The following SLC35F1 variants were observed in gnomAD, a reference collection of about 807,000 sequenced individuals.
The protein encoded by SLC35F1 is solute carrier family 35 member F1, also known as chromosome 6 open reading frame 169.
Under a neutral mutation model 48.7 loss-of-function variants are expected in SLC35F1, and 14 were observed. That is an observed-to-expected ratio of 0.29 (90% confidence interval 0.19 to 0.45). The LOEUF (loss-of-function observed/expected upper bound fraction) is 0.45, where lower values mean the gene tolerates loss of function less well. Ranked by LOEUF, SLC35F1 falls within the 20% of genes least tolerant of loss-of-function variation. SLC35F1 has a pLI of 1.00. For synonymous variants in SLC35F1, 190 were observed against 202.2 expected (o/e 0.94, Z 0.51); for missense variants, 404 against 500.0 (o/e 0.81, Z 1.83).
At chr6:118,099,317 G>C (rs1354199582) in intron 1 of SLC35F1, among the ~76,000 whole-genome samples, 2 of 152,212 alleles carry the variant, frequency 1.3e-5, no homozygotes, top group African/African-American at 4.8e-5. Context: ...TCCTGATCCA[G>C]TAAGTCGATG....
rs559333466 is a variant in SLC35F1, at chr6:117,999,020, T to C, written c.173+91121T>C. On this transcript the variant is annotated intron_variant, in intron 1 of 7. Coordinates refer to ENST00000360388, the MANE Select transcript of SLC35F1 (RefSeq NM_001029858.4). Reference sequence around the variant, plus strand: ...CACCACACACAACCAGTCCCGAAAATGGCACAGAAATGGTATCAAGAAACC... The same window carrying C: ...CACCACACACAACCAGTCCCGAAAACGGCACAGAAATGGTATCAAGAAACC... 1.2e-5 allele frequency: 17 copies of C among 1,435,356 alleles called. No individual in the cohort carries two copies. The East Asian group carries it at 3.6e-4, about 31-fold the overall frequency. The allele number at this position is 1,435,356 out of a possible 1,614,324, so 88.9% of individuals were successfully genotyped here.
intron 1 of SLC35F1, among the ~76,000 whole-genome samples, chr6:118,126,863 A>G (rs2114413024): frequency 6.6e-6 from 1 of 151,918 alleles, no homozygotes; most frequent in South Asian, 2.1e-4. Flanking sequence ...GTTGATTATC[A>G]GCTTAAGGAG....
chr6:118,055,170 T>G (rs987203017), intron 1 of SLC35F1, among the ~76,000 whole-genome samples: 3 of 152,226 alleles, frequency 2.0e-5, no homozygotes, highest in Non-Finnish European at 4.4e-5. Flanking sequence ...TGTTACTTTA[T>G]CAGTGTTTGG....
chr6:118,051,937 C>T (rs1331681997), intron 1 of SLC35F1, among the ~76,000 whole-genome samples: 1 of 152,116 alleles, frequency 6.6e-6, no homozygotes, highest in East Asian at 1.9e-4. Context: ...TCAATACCTT[C>T]CCTTATAAGA....
At chr6:117,975,197 C>A (rs1776690479) in intron 1 of SLC35F1, among the ~76,000 whole-genome samples, 1 of 152,176 alleles carries the variant, frequency 6.6e-6, no homozygotes, top group African/African-American at 2.4e-5. Flanking sequence ...AAATGATTTT[C>A]CAATGTCATT....
At chr6:118,123,400 A>G (rs1773580369) in intron 1 of SLC35F1, among the ~76,000 whole-genome samples, 1 of 147,218 alleles carries the variant, frequency 6.8e-6, no homozygotes, top group Non-Finnish European at 1.5e-5. Flanking sequence ...TTAAAAGGCC[A>G]CTCTTAGAAA....
chr6:118,264,799 T>C (rs1775752302), intron 3 of SLC35F1, among the ~76,000 whole-genome samples: 1 of 152,252 alleles, frequency 6.6e-6, no homozygotes, highest in East Asian at 1.9e-4. Context: ...GTGAACAGTT[T>C]TCAATGACAA....
chr6:117,941,958 A>G (rs1335961217), intron 1 of SLC35F1, among the ~76,000 whole-genome samples: 6 of 152,334 alleles, frequency 3.9e-5, no homozygotes, highest in African/African-American at 1.4e-4. Flanking sequence ...GGTTAATAGT[A>G]ACCTTATATT....
intron 7 of SLC35F1, among the ~76,000 whole-genome samples, chr6:118,297,660 A>AACT (rs1776206373): frequency 7.6e-6 from 1 of 132,450 alleles, no homozygotes; most frequent in South Asian, 2.3e-4. Flanking sequence ...TATAATATAT[A>AACT]TAATATTATA....
chr6:118,175,841 T>C (rs1363632050), intron 2 of SLC35F1, among the ~76,000 whole-genome samples: 2 of 152,126 alleles, frequency 1.3e-5, no homozygotes, highest in Non-Finnish European at 2.9e-5. Flanking sequence ...AAAGTATCCG[T>C]AGTCATTCCA....
At chr6:118,147,645 T>C (rs1210046418) in intron 1 of SLC35F1, among the ~76,000 whole-genome samples, 1 of 152,176 alleles carries the variant, frequency 6.6e-6, no homozygotes, top group East Asian at 1.9e-4. Flanking sequence ...TCCAGCTCCC[T>C]GTTTGGTGCC....
chr6:118,273,852 A>T (rs1775887976), intron 4 of SLC35F1, among the ~76,000 whole-genome samples: 1 of 152,094 alleles, frequency 6.6e-6, no homozygotes. Context: ...CTTGAGGATG[A>T]CTCCAGCACA....
At chr6:117,929,740 A>C (rs1234706694) in intron 1 of SLC35F1, among the ~76,000 whole-genome samples, 1 of 152,134 alleles carries the variant, frequency 6.6e-6, no homozygotes, top group East Asian at 1.9e-4. Flanking sequence ...CTTAAAGCTA[A>C]CTGATTGTAA....
chr6:118,273,458 A>G (rs72965660), intron 4 of SLC35F1, among the ~76,000 whole-genome samples: 58,532 of 152,070 alleles, frequency 0.38, 11,984 homozygotes, highest in Middle Eastern at 0.49. Context: ...GATATTCATA[A>G]TAATGACCCC....
intron 1 of SLC35F1, among the ~76,000 whole-genome samples, chr6:118,096,063 G>T (rs1773172181): frequency 6.6e-6 from 1 of 152,122 alleles, no homozygotes; most frequent in Non-Finnish European, 1.5e-5. Flanking sequence ...CCAAAATGGG[G>T]AAAAGAAAAT....
At chr6:118,098,738 G>A (rs1465263315) in intron 1 of SLC35F1, among the ~76,000 whole-genome samples, 4 of 152,194 alleles carry the variant, frequency 2.6e-5, no homozygotes, top group Non-Finnish European at 4.4e-5. Context: ...TGGGTAAGAT[G>A]ACTAGATGTG....
At chr6:117,990,660 C>G (rs1032468480) in intron 1 of SLC35F1, among the ~76,000 whole-genome samples, 3 of 152,160 alleles carry the variant, frequency 2.0e-5, no homozygotes, top group Non-Finnish European at 4.4e-5. Flanking sequence ...CTACTGGGTA[C>G]TGAGTCCTGT....
chr6:118,276,242 AG>A (rs1453328024), intron 5 of SLC35F1, among the ~76,000 whole-genome samples: 2 of 152,198 alleles, frequency 1.3e-5, no homozygotes, highest in African/African-American at 4.8e-5. Context: ...ATTTGTTATG[AG>A]CATAAGTTTC....
At chr6:117,945,365 T>G (rs1776283585) in intron 1 of SLC35F1, among the ~76,000 whole-genome samples, 1 of 152,230 alleles carries the variant, frequency 6.6e-6, no homozygotes, top group Non-Finnish European at 1.5e-5. Context: ...GTCACAAATT[T>G]ACTACTATTT....
Sources: gnomAD v4.1 joint callset for allele counts (sites outside exome capture counted in the v4.1 genomes callset) on GRCh38, gnomAD v4.1.1 for gene constraint, MANE v1.5 for transcripts, NCBI Gene and HGNC (gene_info 2026-07-23, HGNC 2026-07-21) for gene names.